Variants in WASHC4 observed in about 807,000 individuals in gnomAD.
WASHC4 encodes WASH complex subunit 4.
Under a neutral mutation model 166.6 loss-of-function variants are expected in WASHC4, and 86 were observed. The ratio of observed to expected loss-of-function variants is 0.52; its 90% CI spans 0.43 to 0.62. The LOEUF (loss-of-function observed/expected upper bound fraction) is 0.62, where lower values mean the gene tolerates loss of function less well. Among genes scored for constraint, WASHC4 ranks in the 20% least tolerant of loss-of-function variants. The pLI is 0.00. For synonymous variants in WASHC4, 446 were observed against 451.6 expected (o/e 0.99, Z 0.16); for missense variants, 1,262 against 1,382.4 (o/e 0.91, Z 1.38).
At chr12:105,164,496 G>C in intron 31 of WASHC4, 145 bp from the exon 32 acceptor site, 1 of 803,820 alleles carries the variant, frequency 1.2e-6, no homozygotes, top group East Asian at 2.7e-5. Flanking sequence ...AAAAATGGGC[G>C]GGTTACTTAT....
rs774589525 is a variant in WASHC4 at position 105,111,189 on chromosome 12, G to A, written c.126G>A (p.Leu42=). 6.2e-7 allele frequency: 1 copy of A among 1,605,398 alleles called. No homozygotes were observed. Among genetic ancestry groups the A allele is most frequent in the African/African-American group, 1.3e-5 (1 of 74,730 alleles). Residue 42 remains leucine, a synonymous_variant, in exon 2 of 33, where the codon CTG becomes CTA. Transcript: ENST00000332180. ...TTCTTGAGGAGTATACCTCTCAACT[G>A]AGAAGAATTGAGGACGCTCTGGATG... is the stretch of plus-strand genomic sequence containing the variant. The part of the protein sequence containing the change: ...GKFLEEYTSQ[L]RRIEDALDDS...
chr12:105,154,503 T>C (rs1883998968), intron 26 of WASHC4, among the ~76,000 whole-genome samples: 1 of 152,232 alleles, frequency 6.6e-6, no homozygotes, highest in Non-Finnish European at 1.5e-5. Context: ...GTGCCATGGC[T>C]ATTCTTAGTG....
rs1241124886 is a variant in WASHC4 at position 105,162,811 on chromosome 12, T to C, written c.3123T>C (p.Ile1041=). Residue 1041 remains isoleucine, a synonymous_variant, in exon 30 of 33, where the codon ATT becomes ATC. Transcript: ENST00000332180. The part of the protein sequence containing the change: ...CKEKLNKKNK[I]GAAFTDDGFA... ...AAAAATTAAATAAAAAAAATAAAAT[T>C]GGAGCTGCCTTTACTGATGATGGCT... 1.2e-6 allele frequency: 2 copies of C among 1,602,482 alleles called. No individual in the cohort carries two copies. Among genetic ancestry groups the C allele is most frequent in the African/African-American group, 1.3e-5 (1 of 74,674 alleles).
At chr12:105,114,476 G>A (rs1440350665) in intron 4 of WASHC4, 49 bp downstream of exon 4, 1 of 1,192,368 alleles carries the variant, frequency 8.4e-7, no homozygotes, top group Non-Finnish European at 1.2e-6. Context: ...TCATTTAGAA[G>A]CAAGTATGTG....
intron 15 of WASHC4, among the ~76,000 whole-genome samples, chr12:105,139,328 C>T (rs758991714): frequency 6.7e-6 from 1 of 149,408 alleles, no homozygotes; most frequent in South Asian, 2.1e-4. Flanking sequence ...GAATTATATA[C>T]CTAAAGTTGG....
rs7295691 is a variant in WASHC4 at position 105,165,671 on chromosome 12, A to G, written c.3454+931A>G. On this transcript the variant is annotated intron_variant, in intron 32 of 32. Coordinates refer to ENST00000332180, the MANE Select transcript of WASHC4 (RefSeq NM_015275.3). ...TAAAATACACCTTTTTTCTTTATAT[A>G]GAGTAGAGGTGACTCATTGGGTAGA... Among the ~76,000 whole-genome samples, 926 of 152,222 alleles carry G rather than the reference A, an allele frequency of 6.1e-3. 7 individuals are homozygous for G. Among genetic ancestry groups the G allele is most frequent in the African/African-American group, 0.021 (882 of 41,542 alleles).
At chr12:105,126,846 T>G (rs963693197) in intron 12 of WASHC4, among the ~76,000 whole-genome samples, 1 of 152,042 alleles carries the variant, frequency 6.6e-6, no homozygotes, top group African/African-American at 2.4e-5. Flanking sequence ...AGATTCAAGT[T>G]TCTATTGTTG....
rs566272906 is a variant in WASHC4, at chr12:105,137,726, C to T, written c.1327-160C>T. ...ACTTAACCACCATGTATAACATTGT[C>T]TCTGTGAGGAAGAGTATTTCCAAAT... On this transcript the variant is annotated intron_variant, in intron 14 of 32. Coordinates refer to ENST00000332180, the MANE Select transcript of WASHC4 (RefSeq NM_015275.3). 9.2e-5 allele frequency among the ~76,000 whole-genome samples: 14 copies of T among 152,238 alleles called. No individual in the cohort carries two copies. In the East Asian group the frequency reaches 2.3e-3, roughly 25 times the overall value.
chr12:105,110,027 G>C (rs773168183), intron 1 of WASHC4, among the ~76,000 whole-genome samples: 1 of 152,178 alleles, frequency 6.6e-6, no homozygotes, highest in African/African-American at 2.4e-5. Flanking sequence ...GTAAGCTGTA[G>C]GGAAGAGAAC....
intron 13 of WASHC4, among the ~76,000 whole-genome samples, chr12:105,131,635 G>A (rs1358663759): frequency 1.3e-5 from 2 of 152,056 alleles, no homozygotes; most frequent in African/African-American, 4.8e-5. Flanking sequence ...GTTCTCTCCT[G>A]TACATGGGAT....
intron 26 of WASHC4, among the ~76,000 whole-genome samples, chr12:105,153,540 C>T (rs1011653655): frequency 2.6e-5 from 4 of 152,126 alleles, no homozygotes; most frequent in African/African-American, 7.2e-5. Flanking sequence ...TAATATTAAG[C>T]GGCAAACTTA....
rs977867140 is a variant in WASHC4, at chr12:105,160,300, T to C, written c.3060+152T>C. 1.8e-5 allele frequency: 13 copies of C among 715,528 alleles called. No homozygotes were observed. In the African/African-American group the frequency reaches 2.3e-4, roughly 13 times the overall value. 44.3% of individuals were successfully genotyped at this position (715,528 alleles called of 1,614,324 possible). On this transcript the variant is annotated intron_variant, in intron 29 of 32. Transcript: ENST00000332180. ...AAATGTGATCTCAGTGAATGTGACA[T>C]AGAATTTTTTATTTGTTAGCCATGC...
intron 25 of WASHC4, 103 bp downstream of exon 25, chr12:105,149,852 T>C: frequency 8.8e-7 from 1 of 1,134,450 alleles, no homozygotes; most frequent in Non-Finnish European, 1.2e-6. Context: ...GGTTTTAGTT[T>C]TATTTTCCCT....
At position 105,160,068 on chromosome 12, in the gene WASHC4, C is replaced by G. The variant is rs767934076; in HGVS notation, c.2980C>G (p.Leu994Val). The G allele has an allele frequency of 1.1e-4, 172 of 1,613,390 alleles. No individual in the cohort carries two copies. Among genetic ancestry groups the G allele is most frequent in the Non-Finnish European group, 1.4e-4 (161 of 1,179,488 alleles). ...CGAAGGCACAGAATATTTCAAAATGCTTGTAGACGTTTTTGCTCCAGAATT... is the reference window on the plus strand; with the variant it reads ...CGAAGGCACAGAATATTTCAAAATGGTTGTAGACGTTTTTGCTCCAGAATT... ...SAEGTEYFKM[L>V]VDVFAPEFRR... The change falls in exon 29 of 33, where the codon CTT becomes GTT. Residue 994 changes from leucine to valine, a missense_variant. Physicochemically the swap from Leu to Val is conservative, Grantham distance 32. Transcript: ENST00000332180.
At chr12:105,142,854 A>T (rs1882981469) in intron 19 of WASHC4, among the ~76,000 whole-genome samples, 1 of 152,088 alleles carries the variant, frequency 6.6e-6, no homozygotes, top group Admixed American at 6.5e-5. Context: ...AAGAAAAAAT[A>T]TTTTTAAGAA....
intron 10 of WASHC4, among the ~76,000 whole-genome samples, chr12:105,122,612 G>A (rs1880867798): frequency 6.6e-6 from 1 of 151,922 alleles, no homozygotes; most frequent in Non-Finnish European, 1.5e-5. Context: ...CATCAAGCAA[G>A]TCTTTCATCG....
chr12:105,115,514 TTTCTCTTTGGTGTAAAAA>T, intron 5 of WASHC4, 129 bp from the exon 6 acceptor site: 1 of 669,536 alleles, frequency 1.5e-6, no homozygotes, highest in Non-Finnish European at 2.7e-6. Flanking sequence ...TTGTCTGATT[TTTCTCTTTGGTGTAAAAA>T]TTCTGTTTTC....
At chr12:105,132,248 A>C (rs1881897752) in intron 13 of WASHC4, among the ~76,000 whole-genome samples, 1 of 152,220 alleles carries the variant, frequency 6.6e-6, no homozygotes, top group Non-Finnish European at 1.5e-5. Flanking sequence ...AGCTCACTGC[A>C]ATCTCTTCCG....
At chr12:105,164,557 A>G in intron 31 of WASHC4, 84 bp from the exon 32 acceptor site, 1 of 928,712 alleles carries the variant, frequency 1.1e-6, no homozygotes, top group Non-Finnish European at 1.7e-6. Flanking sequence ...AATAATAATA[A>G]GAGGCATAAA....
Sources: gnomAD v4.1 joint callset for allele counts (sites outside exome capture counted in the v4.1 genomes callset) on GRCh38, gnomAD v4.1.1 for gene constraint, MANE v1.5 for transcripts, NCBI Gene and HGNC (gene_info 2026-07-23, HGNC 2026-07-21) for gene names.